DRAXIN: variants seen among roughly 807,000 people sequenced by gnomAD.
The protein encoded by DRAXIN is dorsal inhibitory axon guidance protein, also known as dorsal repulsive axon guidance protein.
Under a neutral mutation model 33.9 loss-of-function variants are expected in DRAXIN, and 27 were observed. The observed-to-expected ratio is 0.80, with a 90% CI of 0.59 to 1.10. The LOEUF (loss-of-function observed/expected upper bound fraction) is 1.10, where lower values mean the gene tolerates loss of function less well. Ranked by LOEUF, DRAXIN falls within the 50% of genes least tolerant of loss-of-function variation. The pLI, the probability that DRAXIN is intolerant of heterozygous loss-of-function variation, is 0.00. For missense variants in DRAXIN, 371 were observed against 460.8 expected (o/e 0.81, Z 1.78); for synonymous variants, 178 against 194.0 (o/e 0.92, Z 0.69).
chr1:11,703,540 G>A (rs563683662), intron 1 of DRAXIN, among the ~76,000 whole-genome samples: 1 of 152,340 alleles, frequency 6.6e-6, no homozygotes, highest in South Asian at 2.1e-4. Context: ...GGTCTTCAGT[G>A]CCAAAGTAAG....
intron 6 of DRAXIN, among the ~76,000 whole-genome samples, chr1:11,715,453 G>A (rs552852617): frequency 3.3e-5 from 5 of 152,338 alleles, no homozygotes; most frequent in Non-Finnish European, 7.3e-5. Flanking sequence ...TCATTTCTGA[G>A]ATTTGCTTTT....
chr1:11,688,563 A>C (rs1641003326), upstream of DRAXIN, among the ~76,000 whole-genome samples: 1 of 151,018 alleles, frequency 6.6e-6, no homozygotes, highest in Admixed American at 6.6e-5. This position sits in a 1 kb window ranked among gnomAD's most constrained non-coding sequence, Gnocchi z 4.6. Context: ...TGCATCTCAA[A>C]AAAAAAAAAG....
chr1:11,693,758 G>A (rs903671278), intron 1 of DRAXIN, among the ~76,000 whole-genome samples: 12 of 152,118 alleles, frequency 7.9e-5, no homozygotes, highest in South Asian at 2.1e-4. Flanking sequence ...TCAGAGGCTT[G>A]GGAACCTTGC....
In DRAXIN at chr1:11,706,610, C is replaced by A. The variant is rs750446517; in HGVS notation, c.352C>A (p.Pro118Thr). 1.2e-6 allele frequency: 2 copies of A among 1,602,876 alleles called. No individual in the cohort carries two copies. Among genetic ancestry groups the A allele is most frequent in the Non-Finnish European group, 1.7e-6 (2 of 1,179,432 alleles). ...DKDLLLGLAL[P>T]YPEKENRPPG... ...GGACCTGCTCCTGGGACTGGCATTG[C>A]CCTACCCCGAGAAGGAGAACCGACC... Residue 118 changes from proline to threonine, a missense_variant, in exon 2 of 7, where the codon CCC (proline) becomes ACC (threonine). Transcript: ENST00000294485. This position sits in a 1 kb window ranked among gnomAD's most constrained non-coding sequence, Gnocchi z 5.5.
intron 6 of DRAXIN, among the ~76,000 whole-genome samples, chr1:11,718,869 G>T (rs1377980378): frequency 6.6e-6 from 1 of 151,852 alleles, no homozygotes; most frequent in African/African-American, 2.4e-5. Flanking sequence ...ATAACATCTT[G>T]CAATCATGTG....
chr1:11,713,980 C>T (rs1469966933), intron 5 of DRAXIN, among the ~76,000 whole-genome samples: 3 of 151,960 alleles, frequency 2.0e-5, no homozygotes, highest in Non-Finnish European at 2.9e-5. Context: ...TGCAGTGACC[C>T]GAGATCGCAC....
upstream of DRAXIN, among the ~76,000 whole-genome samples, chr1:11,686,804 CT>C (rs1282125114): frequency 2.9e-4 from 28 of 98,126 alleles, no homozygotes; most frequent in Middle Eastern, 5.2e-3. Context: ...TCAACTGCCA[CT>C]TTAAAAAAAA....
intron 6 of DRAXIN, among the ~76,000 whole-genome samples, chr1:11,718,420 A>G (rs940742506): frequency 6.6e-6 from 1 of 151,794 alleles, no homozygotes; most frequent in Non-Finnish European, 1.5e-5. Flanking sequence ...TTCCTTTCCA[A>G]TTTTCAAGAT....
intron 1 of DRAXIN, among the ~76,000 whole-genome samples, chr1:11,703,312 AG>A (rs1388880371): frequency 6.6e-6 from 1 of 152,188 alleles, no homozygotes; most frequent in Non-Finnish European, 1.5e-5. Flanking sequence ...TCCTGGAGGA[AG>A]GGACATTTGG....
chr1:11,702,114 C>G (rs1641296881), intron 1 of DRAXIN, among the ~76,000 whole-genome samples: 1 of 151,428 alleles, frequency 6.6e-6, no homozygotes, highest in Admixed American at 6.6e-5. Flanking sequence ...CGCGAGTTCA[C>G]ACACACATGC....
chr1:11,709,270 C>T lies in DRAXIN; in HGVS notation c.452-5C>T. 1 of 1,608,008 alleles carries T rather than the reference C, an allele frequency of 6.2e-7. No individual in the cohort carries two copies. The highest frequency in any genetic ancestry group is 8.5e-7 in the Non-Finnish European group (1 of 1,176,696). ...AGCCCCCGTGCTCCCCACCCTGTGT[C>T]TCAGGCCGAGCCTTGGTCCGAGGTC... On this transcript the variant is annotated splice_region_variant and splice_polypyrimidine_tract_variant and intron_variant, in intron 2 of 6. Coordinates refer to ENST00000294485, the MANE Select transcript of DRAXIN (RefSeq NM_198545.4).
At position 11,699,926 on chromosome 1, in the gene DRAXIN, C is replaced by CAATAAATAAATAAATA. The variant is rs60342076; in HGVS notation, c.-10-6312_-10-6297dup. On this transcript the variant is annotated intron_variant, in intron 1 of 6. Coordinates refer to ENST00000294485, the MANE Select transcript of DRAXIN (RefSeq NM_198545.4). ...CGGGTGACACAGCGAGACTCACTCT[C>CAATAAATAAATAAATA]AATAAATAAATAAATAAATAAATAA... 2.7e-3 allele frequency among the ~76,000 whole-genome samples: 380 copies of CAATAAATAAATAAATA among 142,710 alleles called. 3 individuals carry two copies. The East Asian group carries it at 0.04, about 15-fold the overall frequency. 93.6% of individuals were successfully genotyped at this position (142,710 alleles called of 152,430 possible).
intron 3 of DRAXIN, among the ~76,000 whole-genome samples, chr1:11,711,461 A>G (rs1261273028): frequency 6.6e-6 from 1 of 152,192 alleles, no homozygotes; most frequent in Non-Finnish European, 1.5e-5. Context: ...ACCTCTGCAG[A>G]GAGAGGAAGG....
At chr1:11,708,506 G>A (rs1333995140) in intron 2 of DRAXIN, among the ~76,000 whole-genome samples, 1 of 152,198 alleles carries the variant, frequency 6.6e-6, no homozygotes, top group Non-Finnish European at 1.5e-5. Flanking sequence ...AGTTACTCAG[G>A]AGGCTGAGGT....
At position 11,694,111 on chromosome 1, in the gene DRAXIN, G is replaced by T. The variant is rs7539455; in HGVS notation, c.-11+2258G>T. Reference sequence around the variant, plus strand: ...ACCCCGGCACTCCCTTGCCTCCCTAGCTCTTGTGAACTGCACGGCATAATC... The same window carrying T: ...ACCCCGGCACTCCCTTGCCTCCCTATCTCTTGTGAACTGCACGGCATAATC... On this transcript the variant is annotated intron_variant, in intron 1 of 6. Coordinates refer to ENST00000294485, the MANE Select transcript of DRAXIN (RefSeq NM_198545.4). The surrounding 1 kb of genome is among the most constrained non-coding windows in gnomAD (Gnocchi z 4.9). Among the ~76,000 whole-genome samples, 114,348 of 151,860 alleles carry T rather than the reference G, an allele frequency of 0.75. 43,121 individuals carry two copies. The highest frequency in any genetic ancestry group is 0.8 in the Middle Eastern group (233 of 292).
Position 11,722,450 on chromosome 1 carries a change from A to C in DRAXIN, c.*2754A>C, listed in dbSNP as rs1385727052. ...CCGTCTCTTTGCCCTAGCTATCTCT[A>C]TTTGACATTTCCAAAGAGGGATGGG... On this transcript the variant is annotated 3_prime_UTR_variant, in exon 7 of 7. Coordinates refer to ENST00000294485, the MANE Select transcript of DRAXIN (RefSeq NM_198545.4). 1 of 152,288 alleles carries C rather than the reference A, an allele frequency of 6.6e-6. No homozygotes were observed. The highest frequency in any genetic ancestry group is 1.5e-5 in the Non-Finnish European group (1 of 68,024). 9.4% of individuals were successfully genotyped at this position (152,288 alleles called of 1,614,324 possible). A position where few individuals can be genotyped will look rare whatever the true frequency, so the allele number is the denominator to read the frequency against.
intron 5 of DRAXIN, among the ~76,000 whole-genome samples, chr1:11,714,132 G>A (rs1398846763): frequency 1.3e-5 from 2 of 152,182 alleles, no homozygotes; most frequent in Non-Finnish European, 2.9e-5. Context: ...CTGAGCCTCG[G>A]GGGTCAAGGC....
intron 3 of DRAXIN, among the ~76,000 whole-genome samples, chr1:11,709,836 G>A (rs1641448399): frequency 6.6e-6 from 1 of 152,230 alleles, no homozygotes; most frequent in South Asian, 2.1e-4. Context: ...GTGTCGTCAA[G>A]ACCCAGAATT....
upstream of DRAXIN, among the ~76,000 whole-genome samples, chr1:11,690,642 T>C (rs574982937): frequency 1.1e-4 from 16 of 152,292 alleles, no homozygotes; most frequent in East Asian, 3.1e-3. This position sits in a 1 kb window ranked among gnomAD's most constrained non-coding sequence, Gnocchi z 4.2. Flanking sequence ...GGAAGCCACC[T>C]GGCGAGCTCA....
Sources: allele counts gnomAD v4.1 joint callset (sites outside exome capture counted in the v4.1 genomes callset), GRCh38; gene constraint gnomAD v4.1.1; non-coding constraint Gnocchi (gnomAD v3.1); transcripts MANE v1.5; gene names NCBI Gene and HGNC (gene_info 2026-07-23, HGNC 2026-07-21).